Variants in RGS6 observed in about 807,000 individuals in gnomAD.
RGS6 encodes regulator of G-protein signaling 6.
RGS6 carries 30 observed loss-of-function variants against 78.5 expected under a neutral mutation model. The ratio of observed to expected loss-of-function variants is 0.38; its 90% CI spans 0.29 to 0.52. The LOEUF (loss-of-function observed/expected upper bound fraction) is 0.52. Among genes scored for constraint, RGS6 ranks in the 20% least tolerant of loss-of-function variants. The pLI is 0.85. For synonymous variants in RGS6, 206 were observed against 206.0 expected (o/e 1.00, Z 0.00); for missense variants, 495 against 609.7 (o/e 0.81, Z 1.98).
At chr14:72,393,371 G>A (rs1305530481) in intron 3 of RGS6, among the ~76,000 whole-genome samples, 1 of 152,316 alleles carries the variant, frequency 6.6e-6, no homozygotes, top group African/African-American at 2.4e-5. Context: ...CCTTTCTGAT[G>A]TCCAAGCTGC....
At chr14:72,364,704 G>A (rs142410179) in intron 3 of RGS6, among the ~76,000 whole-genome samples, 2 of 152,140 alleles carry the variant, frequency 1.3e-5, no homozygotes, top group Non-Finnish European at 1.5e-5. Context: ...GCTACATAAC[G>A]TACTGTCCAT....
At chr14:72,354,732 T>G (rs2079895129) in intron 3 of RGS6, among the ~76,000 whole-genome samples, 1 of 152,120 alleles carries the variant, frequency 6.6e-6, no homozygotes, top group Admixed American at 6.5e-5. Flanking sequence ...GGACTCCTAA[T>G]GCCATCATGT....
At chr14:72,510,400 A>T in intron 14 of RGS6, 121 bp downstream of exon 14, 1 of 1,279,586 alleles carries the variant, frequency 7.8e-7, no homozygotes, top group African/African-American at 1.5e-5. Flanking sequence ...AATGCCAGCT[A>T]ATCTGGCTGA....
chr14:72,544,200 G>A (rs1312959041), intron 17 of RGS6, among the ~76,000 whole-genome samples: 1 of 152,246 alleles, frequency 6.6e-6, no homozygotes, highest in Non-Finnish European at 1.5e-5. Context: ...CAGCTCCCTT[G>A]TTGAGATAGA....
intron 2 of RGS6, among the ~76,000 whole-genome samples, chr14:72,075,250 C>A (rs2094535942): frequency 6.6e-6 from 1 of 152,192 alleles, no homozygotes; most frequent in Non-Finnish European, 1.5e-5. Flanking sequence ...TGACACTATG[C>A]TACTCGGCAT....
At chr14:71,896,738 A>G in the RGS6 span, among the ~76,000 whole-genome samples, 1 of 152,226 alleles carries the variant, frequency 6.6e-6, no homozygotes, top group East Asian at 1.9e-4. Flanking sequence ...GAATGGTAAT[A>G]CTGAGAGGTT....
At chr14:71,958,732 G>A (rs903918900) in intron 1 of RGS6, among the ~76,000 whole-genome samples, 1 of 152,132 alleles carries the variant, frequency 6.6e-6, no homozygotes, top group Non-Finnish European at 1.5e-5. Flanking sequence ...TGAAGGGAAG[G>A]CAGGCTCCAT....
intron 2 of RGS6, among the ~76,000 whole-genome samples, chr14:72,183,101 C>T (rs930471950): frequency 7.2e-5 from 11 of 152,144 alleles, no homozygotes; most frequent in Admixed American, 2.6e-4. Context: ...TTCAGATGTG[C>T]TATTAATTGC....
intron 1 of RGS6, among the ~76,000 whole-genome samples, chr14:71,940,403 C>T (rs542378236): frequency 1.1e-4 from 17 of 152,236 alleles, no homozygotes; most frequent in South Asian, 6.2e-4. Flanking sequence ...AATGAGGAGC[C>T]GTGATTCTCT....
intron 2 of RGS6, among the ~76,000 whole-genome samples, chr14:71,990,159 C>G (rs1206422901): frequency 6.6e-6 from 1 of 152,124 alleles, no homozygotes; most frequent in Non-Finnish European, 1.5e-5. Context: ...AGAGTGAGAA[C>G]AGCAGCCCAG....
chr14:72,338,099 A>G (rs962366984), intron 2 of RGS6, among the ~76,000 whole-genome samples: 3 of 152,318 alleles, frequency 2.0e-5, no homozygotes, highest in African/African-American at 7.2e-5. Flanking sequence ...ACAAGGTGCT[A>G]CCTGTAGGCA....
the RGS6 span, among the ~76,000 whole-genome samples, chr14:71,890,381 A>AGAGAGG: frequency 6.6e-6 from 1 of 151,752 alleles, no homozygotes; most frequent in Admixed American, 6.6e-5. Context: ...AGAGAGAGAG[A>AGAGAGG]GAGAGAGAGA....
chr14:72,271,966 G>T (rs2060017352), intron 2 of RGS6, among the ~76,000 whole-genome samples: 2 of 146,198 alleles, frequency 1.4e-5, no homozygotes, highest in East Asian at 2.0e-4. Flanking sequence ...TAAGGACTCT[G>T]TGATGGCACT....
At chr14:72,039,882 G>A (rs1426743531) in intron 2 of RGS6, among the ~76,000 whole-genome samples, 2 of 79,444 alleles carry the variant, frequency 2.5e-5, no homozygotes, top group Non-Finnish European at 5.0e-5. Flanking sequence ...GTCTTCTATA[G>A]GTATTTTCTT....
At chr14:72,198,771 G>C (rs1005146182) in intron 2 of RGS6, among the ~76,000 whole-genome samples, 1 of 152,154 alleles carries the variant, frequency 6.6e-6, no homozygotes, top group African/African-American at 2.4e-5. Context: ...CACCTGCCTT[G>C]GTCTCTAGTC....
At chr14:72,618,249 G>A in the RGS6 span, among the ~76,000 whole-genome samples, 169 of 152,256 alleles carry the variant, frequency 1.1e-3, 1 homozygote, top group African/African-American at 3.9e-3. Flanking sequence ...AGACAATAGC[G>A]AACAAACACT....
At chr14:72,167,640 C>T (rs2153674288) in intron 2 of RGS6, among the ~76,000 whole-genome samples, 1 of 152,274 alleles carries the variant, frequency 6.6e-6, no homozygotes, top group South Asian at 2.1e-4. Flanking sequence ...CCTTTCCTTA[C>T]CCCACCCATG....
intron 3 of RGS6, among the ~76,000 whole-genome samples, chr14:72,374,044 T>C (rs186894957): frequency 6.6e-6 from 1 of 152,318 alleles, no homozygotes; most frequent in African/African-American, 2.4e-5. Flanking sequence ...CAAAGGAATT[T>C]AAAATCAGAA....
the RGS6 span, among the ~76,000 whole-genome samples, chr14:72,616,031 G>C: frequency 6.6e-6 from 1 of 152,154 alleles, no homozygotes; most frequent in Non-Finnish European, 1.5e-5. Flanking sequence ...TCCATTTGGT[G>C]GCCTCTGCAG....
Sources: gnomAD v4.1 joint callset for allele counts (sites outside exome capture counted in the v4.1 genomes callset) on GRCh38, gnomAD v4.1.1 for gene constraint, MANE v1.5 for transcripts, NCBI Gene and HGNC (gene_info 2026-07-23, HGNC 2026-07-21) for gene names.